The following THSD4 variants were observed in gnomAD, a reference collection of about 807,000 sequenced individuals.
The protein encoded by THSD4 is thrombospondin type 1 domain containing 4, also known as thrombospondin type-1 domain-containing protein 4.
In THSD4, 69 loss-of-function variants were observed where a neutral mutation model predicts 119.0. That is an observed-to-expected ratio of 0.58 (90% confidence interval 0.48 to 0.71). THSD4 has a LOEUF of 0.71. THSD4 is among the 30% of genes least tolerant of loss of function. THSD4 has a pLI of 0.00. For synonymous variants in THSD4, 524 were observed against 540.4 expected (o/e 0.97, Z 0.42); for missense variants, 1,393 against 1,391.1 (o/e 1.00, Z -0.02).
intron 7 of THSD4, among the ~76,000 whole-genome samples, chr15:71,433,197 A>G (rs1364776060): frequency 6.6e-6 from 1 of 151,526 alleles, no homozygotes; most frequent in East Asian, 1.9e-4. Context: ...AAAAGTATGT[A>G]AGCTTAAACT....
chr15:71,685,979 G>A (rs543630238), intron 8 of THSD4, among the ~76,000 whole-genome samples: 4 of 152,180 alleles, frequency 2.6e-5, no homozygotes, highest in African/African-American at 9.6e-5. Flanking sequence ...TTATTTTCAA[G>A]TAATGTTAAA....
chr15:71,638,156 A>G (rs1286804649), intron 7 of THSD4, among the ~76,000 whole-genome samples: 1 of 152,252 alleles, frequency 6.6e-6, no homozygotes, highest in African/African-American at 2.4e-5. Flanking sequence ...GCCACAGTGA[A>G]AGTCAAGAAT....
chr15:71,548,021 T>G (rs2048866373), intron 7 of THSD4, among the ~76,000 whole-genome samples: 1 of 152,150 alleles, frequency 6.6e-6, no homozygotes, highest in South Asian at 2.1e-4. Flanking sequence ...CAGATGTACC[T>G]TAGCAGGGAG....
At chr15:71,770,628 C>T (rs1303825116) in intron 16 of THSD4, among the ~76,000 whole-genome samples, 4 of 152,100 alleles carry the variant, frequency 2.6e-5, no homozygotes, top group Non-Finnish European at 5.9e-5. Flanking sequence ...GCACTCCAGC[C>T]TGGGTGACAG....
intron 6 of THSD4, among the ~76,000 whole-genome samples, chr15:71,322,634 G>A (rs776514298): frequency 2.0e-4 from 30 of 152,290 alleles, no homozygotes; most frequent in Non-Finnish European, 3.4e-4. Flanking sequence ...TCTGTCATGG[G>A]GTTGCAGTCA....
chr15:71,597,437 A>G (rs2049925397), intron 7 of THSD4, among the ~76,000 whole-genome samples: 1 of 152,250 alleles, frequency 6.6e-6, no homozygotes, highest in Non-Finnish European at 1.5e-5. Flanking sequence ...GGTAACATAT[A>G]CATGCAGCTC....
chr15:71,657,980 T>C (rs1029730699), intron 7 of THSD4, among the ~76,000 whole-genome samples: 2 of 152,176 alleles, frequency 1.3e-5, no homozygotes, highest in East Asian at 3.8e-4. Flanking sequence ...GGGCTGAGGA[T>C]TAATGTGATT....
chr15:71,342,193 T>G (rs1337867035), intron 6 of THSD4: 1 of 182,834 alleles, frequency 5.5e-6, no homozygotes, highest in Non-Finnish European at 1.2e-5. Context: ...TAAATCCCAT[T>G]TATTTCCTGG....
chr15:71,552,999 A>T (rs2048956107), intron 7 of THSD4, among the ~76,000 whole-genome samples: 1 of 152,212 alleles, frequency 6.6e-6, no homozygotes, highest in Admixed American at 6.5e-5. Context: ...ACAGAGAATA[A>T]AAGTTAAAGG....
intron 7 of THSD4, chr15:71,547,394 C>T (rs1180971803): frequency 1.9e-6 from 3 of 1,550,218 alleles, no homozygotes; most frequent in Non-Finnish European, 2.6e-6. Flanking sequence ...TAGGGTAGTT[C>T]TAACTTTGGG....
At chr15:71,762,832 G>T (rs2053648887) in intron 15 of THSD4, among the ~76,000 whole-genome samples, 2 of 152,176 alleles carry the variant, frequency 1.3e-5, no homozygotes, top group South Asian at 4.1e-4. Flanking sequence ...ACTTTGGGAG[G>T]CCAAGGCAGG....
chr15:71,216,285 T>C (rs957212931), intron 4 of THSD4, among the ~76,000 whole-genome samples: 1 of 152,278 alleles, frequency 6.6e-6, no homozygotes, highest in African/African-American at 2.4e-5. Flanking sequence ...GCCCTGTTAA[T>C]GCCCAGCAGG....
At chr15:71,686,040 C>A (rs954412256) in intron 8 of THSD4, among the ~76,000 whole-genome samples, 3 of 152,062 alleles carry the variant, frequency 2.0e-5, no homozygotes, top group Non-Finnish European at 4.4e-5. Flanking sequence ...ACTCTTAACC[C>A]AGCTTCCCCT....
chr15:71,517,254 C>T (rs1452564823), intron 7 of THSD4, among the ~76,000 whole-genome samples: 1 of 152,104 alleles, frequency 6.6e-6, no homozygotes, highest in East Asian at 1.9e-4. Flanking sequence ...TGCTCTAAAC[C>T]AGCTCTCTCT....
chr15:71,099,535 T>G (rs963366501), intron 1 of THSD4, among the ~76,000 whole-genome samples: 2 of 152,212 alleles, frequency 1.3e-5, no homozygotes, highest in South Asian at 2.1e-4. Flanking sequence ...CTCTTTATCC[T>G]TGGTAATTTT....
intron 7 of THSD4, among the ~76,000 whole-genome samples, chr15:71,542,838 C>T (rs1172335265): frequency 2.0e-5 from 3 of 150,990 alleles, no homozygotes; most frequent in African/African-American, 7.3e-5. Context: ...GATTGTGCCA[C>T]TGCACTCCAG....
intron 6 of THSD4, among the ~76,000 whole-genome samples, chr15:71,394,201 C>G (rs950055358): frequency 6.7e-6 from 1 of 150,040 alleles, no homozygotes; most frequent in Non-Finnish European, 1.5e-5. Flanking sequence ...ATGGTGCAAA[C>G]TAGACACTTA....
intron 11 of THSD4, chr15:71,738,267 G>A (rs546474093): frequency 4.2e-5 from 18 of 430,908 alleles, no homozygotes; most frequent in South Asian, 6.8e-5. Flanking sequence ...TAGGGTTCAC[G>A]CTCCTATGAG....
intron 7 of THSD4, among the ~76,000 whole-genome samples, chr15:71,577,789 C>T (rs957471422): frequency 3.6e-5 from 5 of 138,288 alleles, no homozygotes; most frequent in Admixed American, 7.6e-5. Context: ...GGCATGATCT[C>T]GGCTCACTGC....
Sources: gnomAD v4.1 joint callset for allele counts (sites outside exome capture counted in the v4.1 genomes callset) on GRCh38, gnomAD v4.1.1 for gene constraint, MANE v1.5 for transcripts, NCBI Gene and HGNC (gene_info 2026-07-23, HGNC 2026-07-21) for gene names.